PARD3: variants seen among roughly 807,000 people sequenced by gnomAD.
PARD3 encodes partitioning defective 3 homolog.
A neutral mutation model predicts 155.4 loss-of-function variants in PARD3; 75 were observed. That is an observed-to-expected ratio of 0.48 (90% CI 0.40 to 0.58). The LOEUF is 0.58. Ranked by LOEUF, PARD3 falls within the 20% of genes least tolerant of loss-of-function variation. The pLI is 0.00. For synonymous variants in PARD3, 576 were observed against 610.5 expected (o/e 0.94, Z 0.83); for missense variants, 1,642 against 1,721.7 (o/e 0.95, Z 0.82).
chr10:34,346,291 C>G, intron 15 of PARD3: 6 of 1,237,914 alleles, frequency 4.8e-6, no homozygotes, highest in Non-Finnish European at 5.2e-6. Flanking sequence ...ATATATACAG[C>G]ATTTCAAAAG....
In PARD3 at chr10:34,496,015, C is replaced by T. The variant is rs185395689; in HGVS notation, c.403+20964G>A. ...CTCAGGAGTTTGAGACCAGCCTGGGCAATATGGCAAAACCCTGTCTCTGCA... is the reference window on the plus strand; with the variant it reads ...CTCAGGAGTTTGAGACCAGCCTGGGTAATATGGCAAAACCCTGTCTCTGCA... On this transcript the variant is annotated intron_variant, in intron 3 of 24. Coordinates refer to ENST00000374788, the MANE Select transcript of PARD3 (RefSeq NM_001184785.2). 6.6e-4 allele frequency among the ~76,000 whole-genome samples: 101 copies of T among 151,900 alleles called. 1 individual carries two copies. In the South Asian group the frequency reaches 7.3e-3, roughly 11 times the overall value.
At chr10:34,755,962 C>A (rs1025979537) in intron 1 of PARD3, among the ~76,000 whole-genome samples, 1 of 152,006 alleles carries the variant, frequency 6.6e-6, no homozygotes. Flanking sequence ...AACAGCTTCC[C>A]AACAACCATG....
At chr10:34,700,726 C>T (rs747329718) in intron 1 of PARD3, among the ~76,000 whole-genome samples, 16 of 152,180 alleles carry the variant, frequency 1.1e-4, no homozygotes, top group Non-Finnish European at 1.9e-4. Flanking sequence ...AATCCCAGTA[C>T]TTTGGGAGGC....
chr10:34,302,775 T>C (rs1446874113), intron 20 of PARD3, among the ~76,000 whole-genome samples: 5 of 152,206 alleles, frequency 3.3e-5, no homozygotes, highest in Admixed American at 3.3e-4. Flanking sequence ...TCAAAACCTC[T>C]TTCAGACCTG....
At chr10:34,150,590 T>G (rs1323538276) in intron 22 of PARD3, among the ~76,000 whole-genome samples, 3 of 152,128 alleles carry the variant, frequency 2.0e-5, no homozygotes, top group Non-Finnish European at 4.4e-5. Context: ...TGAGGTGACG[T>G]GCCGGACTCT....
chr10:34,798,818 C>G (rs201597585), intron 1 of PARD3, among the ~76,000 whole-genome samples: 1 of 152,162 alleles, frequency 6.6e-6, no homozygotes, highest in Middle Eastern at 3.4e-3. Context: ...TTTCCATGCA[C>G]AGTCCAAAGG....
intron 22 of PARD3, among the ~76,000 whole-genome samples, chr10:34,244,621 T>C (rs773717208): frequency 1.6e-4 from 25 of 152,244 alleles, no homozygotes; most frequent in Non-Finnish European, 2.6e-4. Context: ...ATAATAGATT[T>C]GTAAAGTGAT....
intron 2 of PARD3, among the ~76,000 whole-genome samples, chr10:34,666,255 T>C (rs2133202852): frequency 6.7e-6 from 1 of 149,480 alleles, no homozygotes; most frequent in South Asian, 2.1e-4. Context: ...AAAATCCCCA[T>C]TTAAGTATAG....
intron 22 of PARD3, among the ~76,000 whole-genome samples, chr10:34,227,854 TTTTATATATATATATA>T (rs1157276978): frequency 3.8e-5 from 1 of 26,504 alleles, no homozygotes; most frequent in African/African-American, 7.5e-5. Context: ...GGGAATTATT[TTTTATATATATATATA>T]TATATATATA....
At chr10:34,442,831 A>G (rs2076537304) in intron 5 of PARD3, among the ~76,000 whole-genome samples, 1 of 152,232 alleles carries the variant, frequency 6.6e-6, no homozygotes, top group East Asian at 1.9e-4. Flanking sequence ...TGACTGCACC[A>G]CTGCACCCCA....
At chr10:34,409,849 TAAAC>T (rs1370419419) in intron 5 of PARD3, among the ~76,000 whole-genome samples, 1 of 152,216 alleles carries the variant, frequency 6.6e-6, no homozygotes, top group East Asian at 1.9e-4. Flanking sequence ...ATTAAGATAT[TAAAC>T]AAATACAATA....
chr10:34,389,294 G>A (rs1225514242), intron 7 of PARD3, among the ~76,000 whole-genome samples: 1 of 136,222 alleles, frequency 7.3e-6, no homozygotes, highest in East Asian at 2.1e-4. Context: ...AGCACAAAGC[G>A]AGCCATTGAA....
At chr10:34,362,597 G>C (rs949740720) in intron 12 of PARD3, among the ~76,000 whole-genome samples, 1 of 152,154 alleles carries the variant, frequency 6.6e-6, no homozygotes, top group African/African-American at 2.4e-5. Context: ...CCAGGCTCAG[G>C]TGATCCTCCC....
At chr10:34,239,663 C>A (rs1249410214) in intron 22 of PARD3, among the ~76,000 whole-genome samples, 1 of 151,944 alleles carries the variant, frequency 6.6e-6, no homozygotes, top group Non-Finnish European at 1.5e-5. Context: ...AGTAGCCGGG[C>A]ATGGTGACGT....
At chr10:34,155,684 G>GTGTA (rs1948973629) in intron 22 of PARD3, among the ~76,000 whole-genome samples, 1 of 150,494 alleles carries the variant, frequency 6.6e-6, no homozygotes, top group African/African-American at 2.4e-5. Flanking sequence ...GTGTGTGTGT[G>GTGTA]TGTGTGTGTG....
intron 2 of PARD3, among the ~76,000 whole-genome samples, chr10:34,674,125 A>G (rs1453243044): frequency 3.3e-5 from 5 of 152,194 alleles, no homozygotes; most frequent in Non-Finnish European, 5.9e-5. Context: ...TCTGTACTCA[A>G]AATTATCCTG....
intron 3 of PARD3, among the ~76,000 whole-genome samples, chr10:34,475,085 T>C (rs2078623632): frequency 6.6e-6 from 1 of 152,156 alleles, no homozygotes; most frequent in Non-Finnish European, 1.5e-5. Flanking sequence ...CCTTTCACAC[T>C]CTAAAAATTG....
At chr10:34,638,895 C>T (rs2092574961) in intron 2 of PARD3, among the ~76,000 whole-genome samples, 1 of 152,152 alleles carries the variant, frequency 6.6e-6, no homozygotes, top group South Asian at 2.1e-4. Context: ...ATTTATAGTT[C>T]TCTCTCTGGG....
chr10:34,427,430 G>T (rs1166631513), intron 5 of PARD3, among the ~76,000 whole-genome samples: 2 of 152,180 alleles, frequency 1.3e-5, no homozygotes, highest in South Asian at 4.1e-4. Flanking sequence ...GGCTTGCTAG[G>T]ATTAGGAAAT....
Sources: allele counts gnomAD v4.1 joint callset (sites outside exome capture counted in the v4.1 genomes callset), GRCh38; gene constraint gnomAD v4.1.1; transcripts MANE v1.5; gene names NCBI Gene and HGNC (gene_info 2026-07-23, HGNC 2026-07-21).